CPN1: variants seen among roughly 807,000 people sequenced by gnomAD.
CPN1 encodes the protein carboxypeptidase N catalytic chain.
Under a neutral mutation model 46.4 loss-of-function variants are expected in CPN1, and 37 were observed. That is an observed-to-expected ratio of 0.80 (90% confidence interval 0.61 to 1.05). The LOEUF (loss-of-function observed/expected upper bound fraction) is 1.05. CPN1 is among the 50% of genes least tolerant of loss of function. The pLI, the probability that CPN1 is intolerant of heterozygous loss-of-function variation, is 0.00. For synonymous variants in CPN1, 224 were observed against 235.4 expected (o/e 0.95, Z 0.44); for missense variants, 563 against 602.6 (o/e 0.93, Z 0.69).
At chr10:100,044,405 T>TA (rs1312031869) in intron 8 of CPN1, among the ~76,000 whole-genome samples, 1 of 152,144 alleles carries the variant, frequency 6.6e-6, no homozygotes, top group African/African-American at 2.4e-5. Context: ...GATAAGGTCT[T>TA]ACTCTGTCAT....
chr10:100,061,873 G>T (rs1002141449), intron 5 of CPN1, among the ~76,000 whole-genome samples: 1 of 151,992 alleles, frequency 6.6e-6, no homozygotes, highest in Non-Finnish European at 1.5e-5. Flanking sequence ...ACAGGGTCTC[G>T]CTCTGCTGCC....
intron 8 of CPN1, among the ~76,000 whole-genome samples, chr10:100,047,705 G>T (rs2041323349): frequency 6.6e-6 from 1 of 152,098 alleles, no homozygotes; most frequent in East Asian, 1.9e-4. Flanking sequence ...GAAAAAACAG[G>T]CCGGGCATGG....
chr10:100,042,613 C>G, intron 8 of CPN1, 40 bp from the exon 9 acceptor site: 2 of 1,612,660 alleles, frequency 1.2e-6, no homozygotes, highest in Non-Finnish European at 1.7e-6. Context: ...TCCGTTTGGA[C>G]CATCTTTTGC....
At chr10:100,042,660 A>C (rs1212293200) in intron 8 of CPN1, 87 bp from the exon 9 acceptor site, 1 of 1,549,814 alleles carries the variant, frequency 6.5e-7, no homozygotes, top group African/African-American at 1.4e-5. Context: ...TACTAGGGAA[A>C]ATTATTATAG....
At chr10:100,057,875 G>A (rs756351231) in intron 5 of CPN1, among the ~76,000 whole-genome samples, 1 of 152,070 alleles carries the variant, frequency 6.6e-6, no homozygotes, top group Non-Finnish European at 1.5e-5. Flanking sequence ...TAACTTAAAA[G>A]GTTAATGCTG....
At chr10:100,051,409 C>G (rs11594585) in intron 7 of CPN1, among the ~76,000 whole-genome samples, 38,954 of 152,058 alleles carry the variant, frequency 0.26, 5,841 homozygotes, top group Non-Finnish European at 0.34. Context: ...CAGAAAGGCC[C>G]CATTCCAGAT....
At chr10:100,055,617 C>T (rs747126357) in intron 6 of CPN1, among the ~76,000 whole-genome samples, 16 of 152,140 alleles carry the variant, frequency 1.1e-4, no homozygotes, top group African/African-American at 2.7e-4. Flanking sequence ...CTCCACTTCC[C>T]GGGTTCAAGC....
chr10:100,058,235 T>A (rs1399455580), intron 5 of CPN1, among the ~76,000 whole-genome samples: 1 of 152,192 alleles, frequency 6.6e-6, no homozygotes, highest in Non-Finnish European at 1.5e-5. Flanking sequence ...AAAGTCTGCA[T>A]ATTAGCTGTG....
At chr10:100,072,236 C>T (rs1025088501) in intron 2 of CPN1, among the ~76,000 whole-genome samples, 2 of 152,126 alleles carry the variant, frequency 1.3e-5, no homozygotes, top group Non-Finnish European at 2.9e-5. Context: ...AGTATAACAG[C>T]ATGATCATGG....
chr10:100,052,920 T>C (rs992985923), intron 7 of CPN1, among the ~76,000 whole-genome samples: 1 of 152,058 alleles, frequency 6.6e-6, no homozygotes, highest in Admixed American at 6.6e-5. Flanking sequence ...TTGCTTGAGT[T>C]TGAGACCAGC....
At chr10:100,071,911 C>T (rs754124151) in intron 2 of CPN1, among the ~76,000 whole-genome samples, 32 of 152,188 alleles carry the variant, frequency 2.1e-4, no homozygotes, top group African/African-American at 6.7e-4. Context: ...CAATCACCTA[C>T]GGATACTGAA....
intron 5 of CPN1, among the ~76,000 whole-genome samples, chr10:100,060,704 G>A (rs1411324223): frequency 6.6e-6 from 1 of 152,184 alleles, no homozygotes; most frequent in African/African-American, 2.4e-5. Flanking sequence ...ATAGTATGGA[G>A]GTTCCTCAAA....
intron 3 of CPN1, 121 bp downstream of exon 3, chr10:100,069,593 C>A: frequency 8.5e-7 from 1 of 1,175,156 alleles, no homozygotes; most frequent in Non-Finnish European, 1.3e-6. Context: ...TGGGTTAATA[C>A]TGAGTTGAGT....
Position 100,042,462 on chromosome 10 carries a change from T to C in CPN1, c.1342A>G (p.Met448Val). The C allele has an allele frequency of 6.2e-7, 1 of 1,613,810 alleles. No homozygotes were observed. The highest frequency in any genetic ancestry group is 1.7e-5 in the Admixed American group (1 of 60,004). ...KVQPQARKKE[M>V]EMRQLQRGPA ...CCTCTCTGCAGCTGCCTCATCTCCA[T>C]TTCTTTCTTTCTGGCTTGGGGCTGC... Residue 448 changes from methionine to valine, a missense_variant, in exon 9 of 9, where the codon ATG (methionine) becomes GTG (valine). Met to Val is a conservative substitution (Grantham distance 21). Transcript: ENST00000370418.
In CPN1 at chr10:100,048,871, G is replaced by A. The variant is rs766856472; in HGVS notation, c.1117C>T (p.His373Tyr). ...AGCAGCAGCCGGAAGTAATCACCAT[G>A]GTCACCTGAAAGTCACAAAGATATA... ...GINHDVTSGD[H>Y]GDYFRLLLPG... The change falls in exon 8 of 9, where the codon CAT becomes TAT. Residue 373 changes from histidine (H) to tyrosine (Y), a missense_variant. His to Tyr is a moderately conservative substitution (Grantham distance 83, BLOSUM62 2). Transcript: ENST00000370418. 1.8e-5 allele frequency: 29 copies of A among 1,610,918 alleles called. No homozygotes were observed. The highest frequency in any genetic ancestry group is 2.2e-5 in the Non-Finnish European group (26 of 1,177,416).
intron 5 of CPN1, among the ~76,000 whole-genome samples, chr10:100,060,995 C>T (rs2041413714): frequency 6.7e-6 from 1 of 149,686 alleles, no homozygotes; most frequent in African/African-American, 2.5e-5. Flanking sequence ...GAAAAACAGA[C>T]TTTGCATGTT....
At chr10:100,043,318 T>A (rs1589468216) in intron 8 of CPN1, among the ~76,000 whole-genome samples, 1 of 142,308 alleles carries the variant, frequency 7.0e-6, no homozygotes, top group African/African-American at 2.6e-5. Flanking sequence ...CTGCTTGAAC[T>A]CAGCAGGCAG....
intron 1 of CPN1, 78 bp downstream of exon 1, chr10:100,081,325 C>A (rs564873978): frequency 1.5e-6 from 2 of 1,351,334 alleles, no homozygotes; most frequent in African/African-American, 2.9e-5. Context: ...ACGGACCACC[C>A]CAGAAACCAC....
rs752559060 is a variant in CPN1, at chr10:100,065,383, G to C, written c.577-13C>G. On this transcript the variant is annotated splice_polypyrimidine_tract_variant and intron_variant, in intron 3 of 8. Transcript: ENST00000370418. ...TCTCGGGTTCCACCTGGGAGGAGGC[G>C]AGAGGTTGGCGGTGAAGGGCCAACT... The C allele has an allele frequency of 9.9e-6, 16 of 1,613,920 alleles. No homozygotes were observed. The highest frequency in any genetic ancestry group is 4.4e-5 in the South Asian group (4 of 91,060).
Sources: allele counts gnomAD v4.1 joint callset (sites outside exome capture counted in the v4.1 genomes callset), GRCh38; gene constraint gnomAD v4.1.1; transcripts MANE v1.5; gene names NCBI Gene and HGNC (gene_info 2026-07-23, HGNC 2026-07-21).